MALRD1: variants seen among roughly 807,000 people sequenced by gnomAD.
MALRD1 encodes MAM and LDL receptor class A domain containing 1.
In MALRD1, 247 loss-of-function variants were observed where a neutral mutation model predicts 242.1. The observed-to-expected ratio is 1.02, with a 90% CI of 0.92 to 1.13. MALRD1 has a LOEUF of 1.13. Among genes scored for constraint, MALRD1 ranks in the 50% most tolerant of loss-of-function variants. The pLI, the probability that MALRD1 is intolerant of heterozygous loss-of-function variation, is 0.00. For missense variants in MALRD1, 2,989 were observed against 2,533.1 expected (o/e 1.18, Z -3.86); for synonymous variants, 995 against 866.6 (o/e 1.15, Z -2.60).
intron 5 of MALRD1, among the ~76,000 whole-genome samples, chr10:19,113,099 A>AT (rs1017470664): frequency 1.8e-4 from 27 of 151,744 alleles, no homozygotes; most frequent in African/African-American, 5.6e-4. Context: ...CCTATGGGAT[A>AT]TTTTTTTTCT....
chr10:19,094,132 TC>T (rs1457373285), intron 4 of MALRD1, among the ~76,000 whole-genome samples: 1 of 110,130 alleles, frequency 9.1e-6, no homozygotes, highest in Non-Finnish European at 1.9e-5. Flanking sequence ...AGTTGGAGCT[TC>T]CCGGCTGCTT....
At chr10:19,251,293 G>A (rs1839281850) in intron 18 of MALRD1, among the ~76,000 whole-genome samples, 2 of 151,992 alleles carry the variant, frequency 1.3e-5, no homozygotes, top group South Asian at 4.1e-4. Context: ...TGAGCAAAGG[G>A]CGTATTTAAA....
intron 24 of MALRD1, among the ~76,000 whole-genome samples, chr10:19,339,854 G>A (rs1048472385): frequency 2.6e-5 from 4 of 152,142 alleles, no homozygotes; most frequent in African/African-American, 9.7e-5. Context: ...AATAAAAGAG[G>A]TTTAACTGAC....
At chr10:19,243,213 C>CG (rs899516360) in intron 18 of MALRD1, among the ~76,000 whole-genome samples, 5 of 151,884 alleles carry the variant, frequency 3.3e-5, no homozygotes, top group African/African-American at 1.2e-4. Context: ...TCTCCCCCGC[C>CG]ACACACACAA....
Position 19,595,429 on chromosome 10 carries a change from C to T in MALRD1, c.5916C>T (p.Cys1972=), listed in dbSNP as rs778573964. 12 of 1,550,056 alleles carry T rather than the reference C, an allele frequency of 7.7e-6. No homozygotes were observed. Among genetic ancestry groups the T allele is most frequent in the South Asian group, 1.2e-5 (1 of 84,032 alleles). The part of the protein sequence containing the change: ...SLLLCDGVPD[C]HFNEDELICS... ...TGCTATGCGATGGAGTGCCCGACTGCCACTTTAATGAAGATGAGCTCATCT... is the reference window on the plus strand; with the variant it reads ...TGCTATGCGATGGAGTGCCCGACTGTCACTTTAATGAAGATGAGCTCATCT... The change falls in exon 34 of 40, where the codon TGC becomes TGT. Residue 1972 remains cysteine (C), a synonymous_variant. Transcript: ENST00000454679.
chr10:19,304,341 C>G (rs1283818589), intron 21 of MALRD1, among the ~76,000 whole-genome samples: 1 of 151,518 alleles, frequency 6.6e-6, no homozygotes, highest in Non-Finnish European at 1.5e-5. Context: ...TCCCTCATCT[C>G]TCTCTCTCTC....
At chr10:19,220,535 A>G (rs1274028648) in intron 18 of MALRD1, among the ~76,000 whole-genome samples, 1 of 152,212 alleles carries the variant, frequency 6.6e-6, no homozygotes, top group Admixed American at 6.5e-5. Flanking sequence ...GGTTCACCAC[A>G]TAGGTTTTTA....
intron 18 of MALRD1, among the ~76,000 whole-genome samples, chr10:19,239,777 C>T (rs773908182): frequency 6.6e-6 from 1 of 150,596 alleles, no homozygotes; most frequent in African/African-American, 2.4e-5. Context: ...TGTGTGTGCT[C>T]TTGACTCCTT....
chr10:19,643,154 C>T (rs183726188), intron 36 of MALRD1, among the ~76,000 whole-genome samples: 20 of 151,976 alleles, frequency 1.3e-4, no homozygotes, highest in Non-Finnish European at 2.2e-4. Context: ...TGTTTAAGCC[C>T]GGAGCGGTGG....
At chr10:19,287,673 G>C (rs1841192942) in intron 21 of MALRD1, among the ~76,000 whole-genome samples, 1 of 151,990 alleles carries the variant, frequency 6.6e-6, no homozygotes, top group Non-Finnish European at 1.5e-5. Context: ...TGGGATATTT[G>C]ATTTTTCATA....
chr10:19,084,052 A>C (rs1835582867), intron 2 of MALRD1, among the ~76,000 whole-genome samples: 1 of 151,982 alleles, frequency 6.6e-6, no homozygotes, highest in African/African-American at 2.4e-5. Context: ...TTGTCACTGA[A>C]GTCAGACATA....
At chr10:19,441,942 A>G (rs1453447963) in intron 28 of MALRD1, among the ~76,000 whole-genome samples, 1 of 152,076 alleles carries the variant, frequency 6.6e-6, no homozygotes, top group Admixed American at 6.6e-5. Flanking sequence ...CATTTTCACA[A>G]TATTGATTCT....
At chr10:19,400,424 T>C (rs1846783373) in intron 28 of MALRD1, among the ~76,000 whole-genome samples, 1 of 152,112 alleles carries the variant, frequency 6.6e-6, no homozygotes, top group African/African-American at 2.4e-5. Context: ...GATGACTGAG[T>C]ATGTGAAAAG....
At chr10:19,678,417 T>C (rs768081118) in intron 36 of MALRD1, among the ~76,000 whole-genome samples, 2 of 152,152 alleles carry the variant, frequency 1.3e-5, no homozygotes, top group Non-Finnish European at 1.5e-5. Flanking sequence ...AGGTATTGTA[T>C]TCTCTTTGTA....
chr10:19,123,972 G>A (rs754709195), intron 6 of MALRD1, among the ~76,000 whole-genome samples: 4 of 151,418 alleles, frequency 2.6e-5, no homozygotes, highest in Non-Finnish European at 4.4e-5. Context: ...TTGGGAGGCC[G>A]GGATGAGAGG....
intron 36 of MALRD1, among the ~76,000 whole-genome samples, chr10:19,661,150 G>A (rs947361775): frequency 6.6e-5 from 10 of 152,166 alleles, no homozygotes; most frequent in African/African-American, 2.4e-4. Flanking sequence ...TGCTGGAGAG[G>A]ATGTGGAGAA....
intron 26 of MALRD1, among the ~76,000 whole-genome samples, chr10:19,383,272 T>C (rs1845914072): frequency 6.6e-6 from 1 of 152,028 alleles, no homozygotes; most frequent in South Asian, 2.1e-4. Flanking sequence ...CCTCAAAGTT[T>C]CACTCCCATT....
intron 18 of MALRD1, among the ~76,000 whole-genome samples, chr10:19,228,962 C>T (rs1326026298): frequency 7.1e-6 from 1 of 141,510 alleles, no homozygotes; most frequent in Non-Finnish European, 1.5e-5. Context: ...AAAAAAAGGC[C>T]TGTATGGGGA....
intron 13 of MALRD1, among the ~76,000 whole-genome samples, chr10:19,166,549 A>AT (rs1483521828): frequency 6.6e-6 from 1 of 152,188 alleles, no homozygotes; most frequent in Non-Finnish European, 1.5e-5. Flanking sequence ...GTTATTGTGT[A>AT]TTTCAAAATA....
Sources: allele counts gnomAD v4.1 joint callset (sites outside exome capture counted in the v4.1 genomes callset), GRCh38; gene constraint gnomAD v4.1.1; transcripts MANE v1.5; gene names NCBI Gene and HGNC (gene_info 2026-07-23, HGNC 2026-07-21).